The following FSD1L variants were observed in gnomAD, a reference collection of about 807,000 sequenced individuals.
The protein encoded by FSD1L is fibronectin type III and SPRY domain containing 1 like.
FSD1L carries 45 observed loss-of-function variants against 71.6 expected under a neutral mutation model. That is an observed-to-expected ratio of 0.63 (90% CI 0.49 to 0.81). The LOEUF (loss-of-function observed/expected upper bound fraction) is 0.81. Ranked by LOEUF, FSD1L falls within the 30% of genes least tolerant of loss-of-function variation. FSD1L has a pLI of 0.00. For missense variants in FSD1L, 561 were observed against 618.1 expected (o/e 0.91, Z 0.98); for synonymous variants, 197 against 207.2 (o/e 0.95, Z 0.42).
At chr9:105,513,901 A>G (rs1027886445) in intron 10 of FSD1L, among the ~76,000 whole-genome samples, 5 of 151,956 alleles carry the variant, frequency 3.3e-5, no homozygotes, top group African/African-American at 1.2e-4. Flanking sequence ...TATCTGATTT[A>G]TTTTTCTGCT....
chr9:105,532,450 C>T (rs1835954550), intron 10 of FSD1L, among the ~76,000 whole-genome samples: 1 of 152,094 alleles, frequency 6.6e-6, no homozygotes, highest in Non-Finnish European at 1.5e-5. Flanking sequence ...CATCTCAAAC[C>T]TTGAAGAAGT....
At chr9:105,538,328 T>A (rs562368830) in intron 12 of FSD1L, among the ~76,000 whole-genome samples, 1 of 152,346 alleles carries the variant, frequency 6.6e-6, no homozygotes, top group South Asian at 2.1e-4. Context: ...TTAAACAATC[T>A]ACATAATAAT....
intron 1 of FSD1L, among the ~76,000 whole-genome samples, chr9:105,453,383 A>G (rs1222402194): frequency 2.0e-5 from 3 of 152,044 alleles, no homozygotes; most frequent in African/African-American, 7.2e-5. Flanking sequence ...GGGTTTTGCC[A>G]TGTTGGCCAG....
In FSD1L at chr9:105,548,428, G is replaced by A. The variant is rs1334918082; in HGVS notation, c.*1945G>A. 1 of 152,488 alleles carries A rather than the reference G, an allele frequency of 6.6e-6. No individual in the cohort carries two copies. 9.4% of individuals were successfully genotyped at this position (152,488 alleles called of 1,614,324 possible). On this transcript the variant is annotated 3_prime_UTR_variant, in exon 14 of 14. Transcript: ENST00000481272. ...GTTGTATAAAATTTTTTACTAGTGT[G>A]TCTTATATAATTCTTTCTTCTCATT...
intron 12 of FSD1L, among the ~76,000 whole-genome samples, chr9:105,538,150 AAATAT>A (rs1189884297): frequency 6.6e-6 from 1 of 152,196 alleles, no homozygotes; most frequent in Non-Finnish European, 1.5e-5. Context: ...AGCTGACATT[AAATAT>A]TTGAGACAGC....
chr9:105,468,555 A>G lies in FSD1L; in HGVS notation c.339+231A>G, dbSNP rs954494733. On this transcript the variant is annotated intron_variant, in intron 4 of 13. Coordinates refer to ENST00000481272, the MANE Select transcript of FSD1L (RefSeq NM_001145313.3). ...AGTCTCACTCTGTCACCCAGGCTGG[A>G]GTGATCTTGGTTCATTGCAACCTCT... Among the ~76,000 whole-genome samples the G allele has an allele frequency of 4.0e-5, 6 of 148,848 alleles. No individual in the cohort carries two copies. In the South Asian group the frequency reaches 1.1e-3, roughly 26 times the overall value.
chr9:105,503,450 C>A (rs1227724870), intron 7 of FSD1L, among the ~76,000 whole-genome samples: 2 of 152,290 alleles, frequency 1.3e-5, no homozygotes, highest in East Asian at 3.9e-4. Flanking sequence ...TACTCTTAGC[C>A]ATTTCTTATG....
intron 2 of FSD1L, among the ~76,000 whole-genome samples, chr9:105,464,021 C>T (rs7034702): frequency 0.11 from 17,185 of 152,124 alleles, 1,407 homozygotes; most frequent in African/African-American, 0.23. Context: ...GATTAAGTTG[C>T]ATATTAGGAA....
At chr9:105,492,524 T>G (rs1214619968) in intron 7 of FSD1L, among the ~76,000 whole-genome samples, 1 of 152,214 alleles carries the variant, frequency 6.6e-6, no homozygotes, top group Non-Finnish European at 1.5e-5. Flanking sequence ...ATTTTAGTTA[T>G]TTCTTGCCTT....
At chr9:105,476,449 C>T (rs1022514098) in intron 5 of FSD1L, among the ~76,000 whole-genome samples, 4 of 152,156 alleles carry the variant, frequency 2.6e-5, no homozygotes, top group South Asian at 4.1e-4. Flanking sequence ...TTAATTAGTA[C>T]CAGCTGATTC....
chr9:105,494,670 T>TG, intron 7 of FSD1L, among the ~76,000 whole-genome samples: 1 of 152,170 alleles, frequency 6.6e-6, no homozygotes, highest in Non-Finnish European at 1.5e-5. Flanking sequence ...GATGTACAGA[T>TG]GGGTTTTTGG....
At chr9:105,520,574 A>G (rs7357632) in intron 10 of FSD1L, 773,311 of 1,370,736 alleles carry the variant, frequency 0.56, 221,293 homozygotes, top group East Asian at 0.71. Flanking sequence ...CAGTTTCATA[A>G]TATTGGATTG....
At chr9:105,460,446 G>A (rs1212636611) in intron 1 of FSD1L, among the ~76,000 whole-genome samples, 1 of 151,948 alleles carries the variant, frequency 6.6e-6, no homozygotes, top group Non-Finnish European at 1.5e-5. Flanking sequence ...CAAAAAATTA[G>A]CCAGGCACGG....
upstream of FSD1L, among the ~76,000 whole-genome samples, chr9:105,444,004 A>G (rs1298987165): frequency 6.6e-6 from 1 of 152,140 alleles, no homozygotes; most frequent in Non-Finnish European, 1.5e-5. Context: ...CTCAGGCCAG[A>G]TATAGTAGCA....
chr9:105,540,724 C>T (rs910657226), intron 13 of FSD1L, among the ~76,000 whole-genome samples: 7 of 152,088 alleles, frequency 4.6e-5, no homozygotes, highest in African/African-American at 1.7e-4. Flanking sequence ...GTGTGCTATG[C>T]TGAATATATG....
At chr9:105,464,719 C>T (rs993869905) in intron 3 of FSD1L, among the ~76,000 whole-genome samples, 2 of 151,942 alleles carry the variant, frequency 1.3e-5, no homozygotes, top group Admixed American at 6.6e-5. Flanking sequence ...GCCTGTAATC[C>T]CAGCATTTTG....
Position 105,515,788 on chromosome 9 carries a change from GT to G in FSD1L, c.1025+2867del, listed in dbSNP as rs751684787. 1.9e-3 allele frequency among the ~76,000 whole-genome samples: 279 copies of G among 144,434 alleles called. 1 individual carries two copies. The highest frequency in any genetic ancestry group is 5.0e-3 in the African/African-American group (198 of 39,516). 94.8% of individuals were successfully genotyped at this position (144,434 alleles called of 152,430 possible). On this transcript the variant is annotated intron_variant, in intron 10 of 13. Coordinates refer to ENST00000481272, the MANE Select transcript of FSD1L (RefSeq NM_001145313.3). ...GCAGACACCAAACTAGCTGCAGAAG[GT>G]TTTTTTTTTTTTTTCCATACTCCAG...
chr9:105,527,433 T>C (rs1835581264), intron 10 of FSD1L, among the ~76,000 whole-genome samples: 1 of 152,178 alleles, frequency 6.6e-6, no homozygotes, highest in Non-Finnish European at 1.5e-5. Context: ...TTAAATCTAA[T>C]ATTGTTAATA....
chr9:105,467,353 A>G (rs534699573), intron 3 of FSD1L, among the ~76,000 whole-genome samples: 1 of 152,320 alleles, frequency 6.6e-6, no homozygotes, highest in South Asian at 2.1e-4. Context: ...ATCCAAGTTG[A>G]AAAATGTCTT....
Sources: gnomAD v4.1 joint callset for allele counts (sites outside exome capture counted in the v4.1 genomes callset) on GRCh38, gnomAD v4.1.1 for gene constraint, MANE v1.5 for transcripts, NCBI Gene and HGNC (gene_info 2026-07-23, HGNC 2026-07-21) for gene names.